The following BABAM2 variants were observed in gnomAD, a reference collection of about 807,000 sequenced individuals.
The protein encoded by BABAM2 is BRISC and BRCA1-A complex member 2.
In BABAM2, 31 loss-of-function variants were observed where a neutral mutation model predicts 54.7. The ratio of observed to expected loss-of-function variants is 0.57; its 90% CI spans 0.43 to 0.77. BABAM2 has a LOEUF of 0.77. Ranked by LOEUF, BABAM2 falls within the 30% of genes least tolerant of loss-of-function variation. BABAM2 has a pLI of 0.00. For synonymous variants in BABAM2, 167 were observed against 162.9 expected (o/e 1.03, Z -0.19); for missense variants, 364 against 455.8 (o/e 0.80, Z 1.83).
intron 10 of BABAM2, among the ~76,000 whole-genome samples, chr2:28,279,563 A>G (rs1686166928): frequency 6.6e-6 from 1 of 151,904 alleles, no homozygotes; most frequent in Non-Finnish European, 1.5e-5. Context: ...CCTCTGAGGC[A>G]GAGTTCATTT....
intron 6 of BABAM2, among the ~76,000 whole-genome samples, chr2:28,100,001 G>T (rs1484274511): frequency 6.6e-6 from 1 of 151,916 alleles, no homozygotes; most frequent in Non-Finnish European, 1.5e-5. Context: ...TTGTGTTGCT[G>T]CATGTACTTA....
intron 2 of BABAM2, among the ~76,000 whole-genome samples, chr2:27,927,395 G>C (rs1667786287): frequency 6.6e-6 from 1 of 152,192 alleles, no homozygotes; most frequent in South Asian, 2.1e-4. Context: ...ATCCTTGATT[G>C]TGAATGGTGT....
intron 3 of BABAM2, among the ~76,000 whole-genome samples, chr2:27,975,115 A>G (rs1446222557): frequency 6.6e-6 from 1 of 152,034 alleles, no homozygotes; most frequent in Admixed American, 6.6e-5. Context: ...GGATGGGAAG[A>G]CTCAACATAG....
chr2:28,288,329 CTT>C (rs370784439), intron 10 of BABAM2, among the ~76,000 whole-genome samples: 33 of 134,184 alleles, frequency 2.5e-4, no homozygotes, highest in Middle Eastern at 3.9e-3. Context: ...CTTTTCTTTT[CTT>C]TTTTTTTTTT....
intron 5 of BABAM2, among the ~76,000 whole-genome samples, chr2:28,034,735 T>C (rs1326276486): frequency 6.6e-6 from 1 of 152,084 alleles, no homozygotes; most frequent in Non-Finnish European, 1.5e-5. Flanking sequence ...AGGCAATAGG[T>C]TTAGACAGTT....
At chr2:28,174,154 T>C (rs1394039749) in intron 7 of BABAM2, among the ~76,000 whole-genome samples, 1 of 152,192 alleles carries the variant, frequency 6.6e-6, no homozygotes, top group Non-Finnish European at 1.5e-5. Context: ...TAGTTTTAAT[T>C]TTCCTCTTAG....
At chr2:28,070,450 T>G (rs1466381850) in intron 6 of BABAM2, among the ~76,000 whole-genome samples, 1 of 151,902 alleles carries the variant, frequency 6.6e-6, no homozygotes, top group Non-Finnish European at 1.5e-5. Flanking sequence ...CTCAGGGAGG[T>G]TTTTATTTTA....
intron 2 of BABAM2, among the ~76,000 whole-genome samples, chr2:27,910,494 T>C (rs2148302797): frequency 6.6e-6 from 1 of 152,316 alleles, no homozygotes; most frequent in South Asian, 2.1e-4. Flanking sequence ...TTTCACAAGC[T>C]GAACAGACTT....
At chr2:28,072,251 C>T (rs1664213699) in intron 6 of BABAM2, among the ~76,000 whole-genome samples, 1 of 152,042 alleles carries the variant, frequency 6.6e-6, no homozygotes, top group Non-Finnish European at 1.5e-5. Flanking sequence ...TGGCTTACTG[C>T]AACCTTCGCC....
chr2:27,904,909 A>C (rs1666081366), intron 2 of BABAM2, among the ~76,000 whole-genome samples: 1 of 152,220 alleles, frequency 6.6e-6, no homozygotes, highest in African/African-American at 2.4e-5. Context: ...TCAATACAGG[A>C]AGGGAAGACC....
intron 2 of BABAM2, among the ~76,000 whole-genome samples, chr2:27,920,188 C>T (rs555337300): frequency 4.6e-5 from 7 of 151,954 alleles, no homozygotes; most frequent in African/African-American, 9.7e-5. Context: ...CTTCTTTTAC[C>T]GATTTTAATT....
chr2:28,273,457 G>A (rs1185521626), intron 10 of BABAM2, among the ~76,000 whole-genome samples: 1 of 152,172 alleles, frequency 6.6e-6, no homozygotes, highest in Admixed American at 6.5e-5. Flanking sequence ...AGTGGCTCAC[G>A]CCTCTAATCC....
In BABAM2 at chr2:27,983,942, C is replaced by CTTTTTT; in HGVS notation, c.206-4037_206-4032dup. Among the ~76,000 whole-genome samples the CTTTTTT allele has an allele frequency of 8.7e-4, 27 of 31,158 alleles. 3 individuals carry two copies. The highest frequency in any genetic ancestry group is 6.9e-4 in the African/African-American group (5 of 7,254). 20.4% of individuals were successfully genotyped at this position (31,158 alleles called of 152,430 possible). A position where few individuals can be genotyped will look rare whatever the true frequency, so the allele number is the denominator to read the frequency against. ...TTTCCAATGTAGATACATTTTGTAC[C>CTTTTTT]TTTTTTTTTTTTTTTTTTTGCCAAA... On this transcript the variant is annotated intron_variant, in intron 3 of 11. Transcript: ENST00000379624.
chr2:28,319,577 C>T (rs10168808), intron 11 of BABAM2, among the ~76,000 whole-genome samples: 3 of 152,214 alleles, frequency 2.0e-5, no homozygotes, highest in Non-Finnish European at 4.4e-5. Context: ...GAGGACACAG[C>T]GGACTAGGCT....
chr2:28,164,359 T>C (rs563015282), intron 7 of BABAM2, among the ~76,000 whole-genome samples: 1 of 152,182 alleles, frequency 6.6e-6, no homozygotes, highest in South Asian at 2.1e-4. Context: ...GGAATAGGTC[T>C]CTCTTTCTGG....
intron 3 of BABAM2, among the ~76,000 whole-genome samples, chr2:27,984,041 T>C (rs1443989661): frequency 6.7e-6 from 1 of 150,224 alleles, no homozygotes; most frequent in Non-Finnish European, 1.5e-5. Flanking sequence ...AGTAGATTTT[T>C]TCAATGTTTA....
At chr2:28,009,204 A>G (rs1258525211) in intron 4 of BABAM2, among the ~76,000 whole-genome samples, 1 of 152,114 alleles carries the variant, frequency 6.6e-6, no homozygotes, top group Non-Finnish European at 1.5e-5. Context: ...GCCAAGGAGC[A>G]GGTCTCACCC....
At chr2:28,074,536 G>T (rs959285007) in intron 6 of BABAM2, among the ~76,000 whole-genome samples, 4 of 152,226 alleles carry the variant, frequency 2.6e-5, no homozygotes, top group Admixed American at 2.0e-4. Flanking sequence ...TTCAAATTTA[G>T]CCTTTTATGT....
chr2:27,954,037 G>T (rs769533148), intron 3 of BABAM2, among the ~76,000 whole-genome samples: 3 of 152,100 alleles, frequency 2.0e-5, no homozygotes, highest in Non-Finnish European at 4.4e-5. Context: ...TCATATTATT[G>T]TCTTTCTATT....
Sources: allele counts gnomAD v4.1 joint callset (sites outside exome capture counted in the v4.1 genomes callset), GRCh38; gene constraint gnomAD v4.1.1; transcripts MANE v1.5; gene names NCBI Gene and HGNC (gene_info 2026-07-23, HGNC 2026-07-21).